Variants in HDAC1 observed in about 807,000 individuals in gnomAD.
The protein encoded by HDAC1 is protein deacetylase HDAC1.
HDAC1 carries 18 observed loss-of-function variants against 65.5 expected under a neutral mutation model. The observed-to-expected ratio is 0.27, with a 90% CI of 0.19 to 0.41. HDAC1 has a LOEUF of 0.41. Ranked by LOEUF, HDAC1 falls within the 10% of genes least tolerant of loss-of-function variation. The probability of loss-of-function intolerance (pLI) is 1.00; values close to 1 mark genes in which losing one functional copy is unlikely to be tolerated. For synonymous variants in HDAC1, 211 were observed against 227.9 expected (o/e 0.93, Z 0.67); for missense variants, 373 against 625.2 (o/e 0.60, Z 4.30).
In HDAC1 at chr1:32,327,873, G is replaced by A. The variant is rs774677784; in HGVS notation, c.636+196G>A. The A allele has an allele frequency of 3.5e-4, 214 of 619,014 alleles. No individual in the cohort carries two copies. Among genetic ancestry groups the A allele is most frequent in the Non-Finnish European group, 5.7e-4 (195 of 342,338 alleles). The allele number at this position is 619,014 out of a possible 1,614,324, so 38.3% of individuals were successfully genotyped here. ...GGGAATGATGGGACATAAAGGGCCA[G>A]AGAAAGAAGAGGGGTCTCCTGACTC... On this transcript the variant is annotated intron_variant, in intron 6 of 13. Transcript: ENST00000373548. This position sits in a 1 kb window ranked among gnomAD's most constrained non-coding sequence, Gnocchi z 6.0.
intron 2 of HDAC1, among the ~76,000 whole-genome samples, chr1:32,314,838 A>T (rs960668370): frequency 1.3e-5 from 2 of 152,114 alleles, no homozygotes; most frequent in Non-Finnish European, 2.9e-5. Flanking sequence ...AAAAAAAAAA[A>T]AAAAAGGGAT....
chr1:32,317,040 A>G (rs546017501), intron 3 of HDAC1, among the ~76,000 whole-genome samples: 1 of 152,318 alleles, frequency 6.6e-6, no homozygotes, highest in South Asian at 2.1e-4. Flanking sequence ...TAGTGGAAAA[A>G]GCACTGACCT....
chr1:32,300,013 G>A (rs1211630264), intron 1 of HDAC1, among the ~76,000 whole-genome samples: 4 of 151,674 alleles, frequency 2.6e-5, no homozygotes, highest in South Asian at 4.2e-4. Context: ...AGCCGAGATC[G>A]CACCACTGCA....
intron 3 of HDAC1, among the ~76,000 whole-genome samples, chr1:32,318,246 A>G (rs945183947): frequency 6.6e-6 from 1 of 152,130 alleles, no homozygotes; most frequent in Admixed American, 6.5e-5. Flanking sequence ...ACTGTGCCCG[A>G]CCTGTTTTCC....
rs568463703 is a variant in HDAC1, at chr1:32,331,779, G to A, written c.1192G>A (p.Glu398Lys). 1.7e-5 allele frequency: 27 copies of A among 1,613,682 alleles called. No individual in the cohort carries two copies. The South Asian group carries it at 2.3e-4, about 14-fold the overall frequency. The change falls in exon 11 of 14, where the codon GAA becomes AAA. Residue 398 changes from glutamate (E) to lysine (K), a missense_variant. Glu to Lys is a moderately conservative substitution (Grantham distance 56). Coordinates refer to ENST00000373548, the MANE Select transcript of HDAC1 (RefSeq NM_004964.3). This position sits in a 1 kb window ranked among gnomAD's most constrained non-coding sequence, Gnocchi z 4.2. Reference sequence around the variant, plus strand: ...CCCTGAGGAGAGTGGCGATGAGGACGAAGACGACCCTGACAAGCGCATCTC... The same window carrying A: ...CCCTGAGGAGAGTGGCGATGAGGACAAAGACGACCCTGACAAGCGCATCTC... Reference protein sequence around the residue: ...AIPEESGDEDEDDPDKRISIC... With the variant: ...AIPEESGDEDKDDPDKRISIC...
chr1:32,294,715 C>G (rs1048037808), intron 1 of HDAC1, among the ~76,000 whole-genome samples: 1 of 151,728 alleles, frequency 6.6e-6, no homozygotes, highest in South Asian at 2.1e-4. Context: ...AGGGTTTCAC[C>G]GTGTTAGCCA....
intron 2 of HDAC1, among the ~76,000 whole-genome samples, chr1:32,306,947 A>G (rs1640919135): frequency 6.6e-6 from 1 of 152,182 alleles, no homozygotes; most frequent in Non-Finnish European, 1.5e-5. Flanking sequence ...AGTTTCATGC[A>G]TAGAAGATTC....
Position 32,324,129 on chromosome 1 carries a change from C to G in HDAC1, c.281-350C>G, listed in dbSNP as rs183517118. Among the ~76,000 whole-genome samples the G allele has an allele frequency of 1.5e-4, 22 of 151,392 alleles. 1 individual carries two copies. The highest frequency in any genetic ancestry group is 1.2e-3 in the East Asian group (6 of 5,160). On this transcript the variant is annotated intron_variant, in intron 3 of 13. Transcript: ENST00000373548. The stretch of plus-strand genomic sequence containing the variant: ...AAAAAAAAAAAGAAAAAAAAATTAG[C>G]TGGGTATAGTGGCATGCACCTGTAG...
At chr1:32,297,364 A>C (rs1041150755) in intron 1 of HDAC1, among the ~76,000 whole-genome samples, 6 of 152,142 alleles carry the variant, frequency 3.9e-5, no homozygotes, top group Non-Finnish European at 8.8e-5. Flanking sequence ...CAACAAAATG[A>C]GACCTCCCCC....
chr1:32,302,548 G>A, intron 1 of HDAC1, 73 bp from the exon 2 acceptor site: 2 of 744,116 alleles, frequency 2.7e-6, no homozygotes, highest in African/African-American at 1.7e-5. Context: ...GGAGTTCGCT[G>A]TAAAAATTCC....
intron 3 of HDAC1, among the ~76,000 whole-genome samples, chr1:32,321,853 C>T (rs1022647742): frequency 5.9e-5 from 9 of 151,982 alleles, no homozygotes; most frequent in African/African-American, 1.7e-4. Flanking sequence ...AGGAAGTGGC[C>T]AGAGAGGGAA....
In HDAC1 at chr1:32,329,964, A is replaced by T; in HGVS notation, c.730-614A>T. The T allele has an allele frequency of 6.5e-6, 1 of 153,774 alleles. No individual in the cohort carries two copies. Among genetic ancestry groups the T allele is most frequent in the Admixed American group, 6.4e-5 (1 of 15,528 alleles). 9.5% of individuals were successfully genotyped at this position (153,774 alleles called of 1,614,324 possible). A position where few individuals can be genotyped will look rare whatever the true frequency, so the allele number is the denominator to read the frequency against. ...GAGGAGTGCTGAAGGAGGCGGTGGG[A>T]AGTGTATGCTGGGCTCAGTATTTCA... On this transcript the variant is annotated intron_variant, in intron 7 of 13. Coordinates refer to ENST00000373548, the MANE Select transcript of HDAC1 (RefSeq NM_004964.3). The surrounding 1 kb of genome is among the most constrained non-coding windows in gnomAD (Gnocchi z 4.1).
At chr1:32,304,308 G>T (rs1233939035) in intron 2 of HDAC1, among the ~76,000 whole-genome samples, 1 of 152,196 alleles carries the variant, frequency 6.6e-6, no homozygotes, top group Non-Finnish European at 1.5e-5. Flanking sequence ...AAGTAGAGGA[G>T]AAGACAGACC....
At chr1:32,305,264 T>C (rs954082354) in intron 2 of HDAC1, among the ~76,000 whole-genome samples, 5 of 152,200 alleles carry the variant, frequency 3.3e-5, no homozygotes, top group African/African-American at 1.2e-4. Flanking sequence ...TTGATTTGCT[T>C]CTGGGGTTTG....
chr1:32,319,145 C>T (rs1641105862), intron 3 of HDAC1, among the ~76,000 whole-genome samples: 2 of 151,938 alleles, frequency 1.3e-5, no homozygotes, highest in African/African-American at 2.4e-5. Context: ...GTCTGGGTGC[C>T]TATAGTCTCA....
rs1403962233 is a variant in HDAC1, at chr1:32,292,111, G to A, written c.-59G>A. The A allele has an allele frequency of 1.3e-6, 2 of 1,522,156 alleles. No individual in the cohort carries two copies. The highest frequency in any genetic ancestry group is 2.5e-5 in the East Asian group (1 of 40,764). The allele number at this position is 1,522,156 out of a possible 1,614,324, so 94.3% of individuals were successfully genotyped here. On this transcript the variant is annotated 5_prime_UTR_variant, in exon 1 of 14. Transcript: ENST00000373548. ...CTCCCCCCTGGGTCGGACGCTGAGC[G>A]GAGCCGCGGGCGGGAGGGCGGACGG...
chr1:32,328,370 G>C (rs563783757), intron 6 of HDAC1, among the ~76,000 whole-genome samples: 8 of 151,490 alleles, frequency 5.3e-5, no homozygotes, highest in Non-Finnish European at 1.2e-4. Context: ...GGAGTGCAGT[G>C]GCGTGATCTC....
At chr1:32,315,797 C>T (rs1454300514) in intron 2 of HDAC1, among the ~76,000 whole-genome samples, 2 of 149,914 alleles carry the variant, frequency 1.3e-5, no homozygotes, top group Non-Finnish European at 3.0e-5. Flanking sequence ...AAAACCCCAT[C>T]TCTACTAAAA....
chr1:32,303,618 T>G (rs1468130633), intron 2 of HDAC1, among the ~76,000 whole-genome samples: 1 of 152,168 alleles, frequency 6.6e-6, no homozygotes, highest in Admixed American at 6.5e-5. Context: ...TTTGAGTTTT[T>G]AAAGAGAAGC....
Sources: gnomAD v4.1 joint callset for allele counts (sites outside exome capture counted in the v4.1 genomes callset) on GRCh38, gnomAD v4.1.1 for gene constraint, Gnocchi (gnomAD v3.1) non-coding constraint, MANE v1.5 for transcripts, NCBI Gene and HGNC (gene_info 2026-07-23, HGNC 2026-07-21) for gene names.